The following ROBO2 variants were observed in gnomAD, a reference collection of about 807,000 sequenced individuals.
The protein encoded by ROBO2 is roundabout homolog 2.
A neutral mutation model predicts 160.8 loss-of-function variants in ROBO2; 53 were observed. The ratio of observed to expected loss-of-function variants is 0.33; its 90% CI spans 0.26 to 0.41. ROBO2 has a LOEUF of 0.41. ROBO2 is among the 10% of genes least tolerant of loss of function. The probability of loss-of-function intolerance (pLI) is 1.00; values close to 1 mark genes in which losing one functional copy is unlikely to be tolerated. For missense variants in ROBO2, 1,577 were observed against 1,722.4 expected (o/e 0.92, Z 1.49); for synonymous variants, 664 against 611.7 (o/e 1.09, Z -1.26).
chr3:76,513,808 A>C (rs1306826621), intron 2 of ROBO2, among the ~76,000 whole-genome samples: 1 of 152,112 alleles, frequency 6.6e-6, no homozygotes, highest in Non-Finnish European at 1.5e-5. Context: ...TTGTCATCCT[A>C]CCCACTTCGG....
intron 2 of ROBO2, among the ~76,000 whole-genome samples, chr3:75,997,499 C>CCTTTTTTTTT (rs748808908): frequency 7.9e-5 from 10 of 126,524 alleles, no homozygotes; most frequent in African/African-American, 2.8e-4. Flanking sequence ...TTCATCCATT[C>CCTTTTTTTTT]TTTTTTTTTT....
intron 2 of ROBO2, among the ~76,000 whole-genome samples, chr3:76,509,440 A>C (rs2080965000): frequency 6.6e-6 from 1 of 152,206 alleles, no homozygotes; most frequent in Non-Finnish European, 1.5e-5. Flanking sequence ...TTATGGTCCC[A>C]GATAAACATT....
chr3:76,310,878 C>T (rs1337400154), intron 2 of ROBO2, among the ~76,000 whole-genome samples: 1 of 152,168 alleles, frequency 6.6e-6, no homozygotes, highest in Admixed American at 6.5e-5. Context: ...GGTTGCACGG[C>T]TATTAGGATC....
chr3:76,917,916 T>C (rs2076423837), intron 2 of ROBO2, among the ~76,000 whole-genome samples: 1 of 152,170 alleles, frequency 6.6e-6, no homozygotes, highest in Non-Finnish European at 1.5e-5. Flanking sequence ...TTATGTTTTC[T>C]AGATATTAAG....
intron 2 of ROBO2, among the ~76,000 whole-genome samples, chr3:77,233,871 C>T (rs1170413333): frequency 6.6e-6 from 1 of 151,882 alleles, no homozygotes; most frequent in South Asian, 2.1e-4. Context: ...ACAAAATATC[C>T]ACTAGTGAAT....
chr3:76,938,248 G>A lies in ROBO2; in HGVS notation c.110-159766G>A, dbSNP rs147639100. Among the ~76,000 whole-genome samples the A allele has an allele frequency of 5.9e-3, 899 of 152,182 alleles. 8 individuals are homozygous for A. Among genetic ancestry groups the A allele is most frequent in the African/African-American group, 0.02 (841 of 41,536 alleles). On this transcript the variant is annotated intron_variant, in intron 2 of 26. Coordinates refer to the ROBO2 transcript ENST00000487694. ...GTGTCACCTGTAGTCCCAGCTACTC[G>A]GGAGGCTGAGGCAGGGGATCGCTTG...
intron 2 of ROBO2, among the ~76,000 whole-genome samples, chr3:76,943,008 A>G (rs2078293287): frequency 6.6e-6 from 1 of 152,334 alleles, no homozygotes; most frequent in African/African-American, 2.4e-5. Flanking sequence ...TATCAAAAAT[A>G]TTGTGTAGAG....
chr3:77,061,559 G>T (rs745790224), intron 1 of ROBO2, among the ~76,000 whole-genome samples: 1 of 152,170 alleles, frequency 6.6e-6, no homozygotes, highest in East Asian at 1.9e-4. Context: ...TCTTCCTTCT[G>T]TCTGTAGGTC....
intron 2 of ROBO2, among the ~76,000 whole-genome samples, chr3:76,019,229 G>T (rs1438604581): frequency 6.6e-6 from 1 of 151,598 alleles, no homozygotes; most frequent in African/African-American, 2.4e-5. Flanking sequence ...CCTTGAAATT[G>T]TCTAATATTT....
chr3:76,774,689 G>T (rs1190061056), intron 2 of ROBO2, among the ~76,000 whole-genome samples: 2 of 150,760 alleles, frequency 1.3e-5, no homozygotes, highest in East Asian at 3.9e-4. Context: ...AGTTTATAGG[G>T]CTGTAATTAT....
At chr3:76,660,100 A>G (rs532000656) in intron 2 of ROBO2, among the ~76,000 whole-genome samples, 1 of 146,162 alleles carries the variant, frequency 6.8e-6, no homozygotes, top group East Asian at 2.2e-4. Context: ...AATCATTCAT[A>G]ACAAAGTTTT....
At chr3:77,018,031 T>C (rs1022989027) in intron 2 of ROBO2, among the ~76,000 whole-genome samples, 20 of 152,056 alleles carry the variant, frequency 1.3e-4, no homozygotes, top group African/African-American at 4.8e-4. Context: ...CGCCTGCATA[T>C]AAAAAAGCTT....
At position 77,033,299 on chromosome 3, in the gene ROBO2, G is replaced by A. The variant is rs1243886227; in HGVS notation, c.110-64715G>A. Among the ~76,000 whole-genome samples the A allele has an allele frequency of 2.0e-5, 3 of 152,136 alleles. No homozygotes were observed. In the East Asian group the frequency reaches 5.8e-4, roughly 29 times the overall value. The stretch of plus-strand genomic sequence containing the variant: ...AATGCTACTTCAGTGTTAGATTAGA[G>A]AAGACTAATATTTTCCTGATGACAA... On this transcript the variant is annotated intron_variant, in intron 2 of 26. Transcript: ENST00000487694.
At chr3:75,973,658 G>C (rs2065055194) in intron 2 of ROBO2, among the ~76,000 whole-genome samples, 1 of 151,610 alleles carries the variant, frequency 6.6e-6, no homozygotes, top group Non-Finnish European at 1.5e-5. Context: ...AAAAACAGGA[G>C]AGTAAGAAAA....
chr3:76,734,141 G>A (rs2093675428), intron 2 of ROBO2, among the ~76,000 whole-genome samples: 1 of 152,070 alleles, frequency 6.6e-6, no homozygotes, highest in Admixed American at 6.5e-5. Flanking sequence ...GAACATGGGG[G>A]CGGGGGACAA....
exon 11 of ROBO2, chr3:77,563,191 A>C: frequency 6.2e-7 from 1 of 1,613,400 alleles, no homozygotes; most frequent in Non-Finnish European, 8.5e-7. Flanking sequence ...ATCAGTAAAA[A>C]CTATGATTTA....
At chr3:76,367,034 C>A (rs1475722245) in intron 2 of ROBO2, among the ~76,000 whole-genome samples, 1 of 151,940 alleles carries the variant, frequency 6.6e-6, no homozygotes, top group Non-Finnish European at 1.5e-5. Flanking sequence ...ATGTCATAAG[C>A]AATTTTATAT....
chr3:77,238,344 G>T (rs1241493338), intron 2 of ROBO2, among the ~76,000 whole-genome samples: 1 of 152,008 alleles, frequency 6.6e-6, no homozygotes, highest in Non-Finnish European at 1.5e-5. Flanking sequence ...CCGTTTTCTG[G>T]AAGTTTTATA....
Position 76,524,955 on chromosome 3 carries a change from A to C in ROBO2, c.110-573059A>C, listed in dbSNP as rs183739094. Among the ~76,000 whole-genome samples, 21 of 151,234 alleles carry C rather than the reference A, an allele frequency of 1.4e-4. No homozygotes were observed. The East Asian group carries it at 3.9e-3, about 28-fold the overall frequency. ...CATGAGTTAGAGATCTATGCAAAGC[A>C]ATTTACAATAAGGAAAGCAAGAGAA... On this transcript the variant is annotated intron_variant, in intron 2 of 26. Transcript: ENST00000487694.
Sources: gnomAD v4.1 joint callset for allele counts (sites outside exome capture counted in the v4.1 genomes callset) on GRCh38, gnomAD v4.1.1 for gene constraint, MANE v1.5 for transcripts, NCBI Gene and HGNC (gene_info 2026-07-23, HGNC 2026-07-21) for gene names.